The following ANO2 variants were observed in gnomAD, a reference collection of about 807,000 sequenced individuals.
ANO2 encodes anoctamin-2.
ANO2 carries 101 observed loss-of-function variants against 124.2 expected under a neutral mutation model. That is an observed-to-expected ratio of 0.81 (90% CI 0.69 to 0.96). ANO2 has a LOEUF of 0.96. Among genes scored for constraint, ANO2 ranks in the 40% least tolerant of loss-of-function variants. The pLI, the probability that ANO2 is intolerant of heterozygous loss-of-function variation, is 0.00. For synonymous variants in ANO2, 486 were observed against 482.5 expected (o/e 1.01, Z -0.09); for missense variants, 1,293 against 1,274.5 (o/e 1.01, Z -0.22).
chr12:5,676,006 A>G (rs575423832), intron 14 of ANO2, among the ~76,000 whole-genome samples: 2 of 152,220 alleles, frequency 1.3e-5, no homozygotes, highest in Admixed American at 6.5e-5. Context: ...CTGGACTCGG[A>G]GCCACATCAC....
At chr12:5,598,166 G>A (rs1351471088) in intron 20 of ANO2, among the ~76,000 whole-genome samples, 1 of 152,158 alleles carries the variant, frequency 6.6e-6, no homozygotes, top group African/African-American at 2.4e-5. Context: ...GAGGTAGCCT[G>A]TGCACAAAAA....
chr12:5,627,425 C>G (rs960578289), intron 16 of ANO2, among the ~76,000 whole-genome samples: 2 of 152,212 alleles, frequency 1.3e-5, no homozygotes, highest in Non-Finnish European at 2.9e-5. Flanking sequence ...GGCGTCCCCG[C>G]AGAGAGGCAT....
intron 23 of ANO2, among the ~76,000 whole-genome samples, chr12:5,571,069 T>C (rs1016396728): frequency 1.2e-4 from 19 of 152,196 alleles, no homozygotes; most frequent in Admixed American, 2.6e-4. Flanking sequence ...TGCAAGCCCT[T>C]AGGACCTGCA....
chr12:5,567,138 C>G (rs1485690461), intron 23 of ANO2, among the ~76,000 whole-genome samples: 1 of 152,170 alleles, frequency 6.6e-6, no homozygotes, highest in Non-Finnish European at 1.5e-5. Flanking sequence ...GGCAGGAGGC[C>G]AGGAGCTACC....
In ANO2 at chr12:5,596,677, C is replaced by A. The variant is rs1943676436; in HGVS notation, c.2233+2807G>T. The stretch of plus-strand genomic sequence containing the variant: ...TTCTTCTCATTTCTTGGTAAGCACC[C>A]AAGTTGAAACACATAATAACATGGT... On this transcript the variant is annotated intron_variant, in intron 20 of 24. Coordinates refer to ENST00000682330, the MANE Select transcript of ANO2 (RefSeq NM_001364791.2). Among the ~76,000 whole-genome samples, 3 of 152,026 alleles carry A rather than the reference C, an allele frequency of 2.0e-5. No homozygotes were observed. The South Asian group carries it at 6.2e-4, about 32-fold the overall frequency.
intron 10 of ANO2, among the ~76,000 whole-genome samples, chr12:5,794,700 A>G (rs1205954035): frequency 6.6e-6 from 1 of 152,116 alleles, no homozygotes; most frequent in East Asian, 1.9e-4. Flanking sequence ...TTGTCTCCCT[A>G]CATAACTCCT....
chr12:5,564,261 G>A (rs10849295), intron 24 of ANO2, among the ~76,000 whole-genome samples: 26,400 of 152,136 alleles, frequency 0.17, 2,711 homozygotes, highest in Non-Finnish European at 0.23. Flanking sequence ...ACTTCCTCCT[G>A]GCTGCTAAGC....
At chr12:5,578,584 C>CAGCT in intron 20 of ANO2, 66 bp from the exon 21 acceptor site, 1 of 1,513,764 alleles carries the variant, frequency 6.6e-7, no homozygotes, top group Non-Finnish European at 8.9e-7. Context: ...TTCTGGCTTG[C>CAGCT]AGCTACAGCC....
chr12:5,609,707 G>C (rs1029248470), intron 19 of ANO2, among the ~76,000 whole-genome samples: 9 of 151,744 alleles, frequency 5.9e-5, no homozygotes, highest in African/African-American at 2.2e-4. Context: ...GATAGATTTA[G>C]AGAGATTCTG....
chr12:5,622,739 A>G (rs970673714), intron 16 of ANO2, among the ~76,000 whole-genome samples: 2 of 152,124 alleles, frequency 1.3e-5, no homozygotes, highest in Non-Finnish European at 2.9e-5. Context: ...TGAGGAGGGC[A>G]GATCACTTGA....
chr12:5,617,002 A>G (rs1944847193), intron 16 of ANO2, among the ~76,000 whole-genome samples: 1 of 151,616 alleles, frequency 6.6e-6, no homozygotes, highest in South Asian at 2.1e-4. Flanking sequence ...TCCAGACCAC[A>G]TAGTACCACA....
chr12:5,941,202 A>G (rs1401752224), intron 1 of ANO2, among the ~76,000 whole-genome samples: 1 of 152,242 alleles, frequency 6.6e-6, no homozygotes, highest in Non-Finnish European at 1.5e-5. Context: ...AACTCTGTGA[A>G]TATACCAACA....
At chr12:5,809,933 C>T (rs1220085472) in intron 7 of ANO2, among the ~76,000 whole-genome samples, 1 of 152,206 alleles carries the variant, frequency 6.6e-6, no homozygotes, top group Admixed American at 6.5e-5. Flanking sequence ...TTCCTCACTG[C>T]TTTGTTGAGC....
In ANO2 at chr12:5,658,913, C is replaced by G. The variant is rs562433871; in HGVS notation, c.1546-11112G>C. ...TCATTAAAATCATCATCAGCAACAGCAGCATCATCATCATCATTGCTTTAT... is the reference window on the plus strand; with the variant it reads ...TCATTAAAATCATCATCAGCAACAGGAGCATCATCATCATCATTGCTTTAT... On this transcript the variant is annotated intron_variant, in intron 14 of 24. Transcript: ENST00000682330. This position sits in a 1 kb window ranked among gnomAD's most constrained non-coding sequence, Gnocchi z 4.3. Among the ~76,000 whole-genome samples the G allele has an allele frequency of 6.6e-6, 1 of 152,182 alleles. No homozygotes were observed. Among genetic ancestry groups the G allele is most frequent in the Non-Finnish European group, 1.5e-5 (1 of 68,038 alleles).
chr12:5,861,805 C>T (rs1246338019), intron 3 of ANO2, among the ~76,000 whole-genome samples: 2 of 152,128 alleles, frequency 1.3e-5, no homozygotes, highest in African/African-American at 4.8e-5. Context: ...GGGAGCCCCA[C>T]ACTCTCAGAT....
chr12:5,783,080 G>T (rs1026207663), intron 10 of ANO2, among the ~76,000 whole-genome samples: 2 of 152,154 alleles, frequency 1.3e-5, no homozygotes, highest in African/African-American at 4.8e-5. Context: ...TTCAGTGTGA[G>T]ACAAGTTCAT....
chr12:5,925,257 C>T lies in ANO2; in HGVS notation c.23-2453G>A, dbSNP rs1163625318. Among the ~76,000 whole-genome samples, 1 of 152,212 alleles carries T rather than the reference C, an allele frequency of 6.6e-6. No homozygotes were observed. Among genetic ancestry groups the T allele is most frequent in the Non-Finnish European group, 1.5e-5 (1 of 68,050 alleles). On this transcript the variant is annotated intron_variant, in intron 1 of 24. Transcript: ENST00000682330. The surrounding 1 kb of genome is among the most constrained non-coding windows in gnomAD (Gnocchi z 4.6). ...GCTCAGATTCAAGGGCAATGCAAAG[C>T]TTTGGTCCAGCTGCTGTCCAGGAAC...
intron 3 of ANO2, among the ~76,000 whole-genome samples, chr12:5,919,035 G>A (rs1023145621): frequency 4.6e-5 from 7 of 152,174 alleles, no homozygotes; most frequent in African/African-American, 1.4e-4. Context: ...GATGTGCAGC[G>A]AGCCAAACAA....
intron 15 of ANO2, among the ~76,000 whole-genome samples, chr12:5,644,512 G>C (rs1946535748): frequency 1.3e-5 from 2 of 152,088 alleles, no homozygotes; most frequent in South Asian, 4.1e-4. Flanking sequence ...AAAGACCTTA[G>C]AACATTATTG....
Sources: allele counts gnomAD v4.1 joint callset (sites outside exome capture counted in the v4.1 genomes callset), GRCh38; gene constraint gnomAD v4.1.1; non-coding constraint Gnocchi (gnomAD v3.1); transcripts MANE v1.5; gene names NCBI Gene and HGNC (gene_info 2026-07-23, HGNC 2026-07-21).